Variants in PHACTR1 observed in about 807,000 individuals in gnomAD.
PHACTR1 encodes the protein phosphatase and actin regulator 1, also known as RPEL repeat containing 1.
A neutral mutation model predicts 69.2 loss-of-function variants in PHACTR1; 16 were observed. The ratio of observed to expected loss-of-function variants is 0.23; its 90% CI spans 0.16 to 0.35. The LOEUF (loss-of-function observed/expected upper bound fraction) is 0.35. Among genes scored for constraint, PHACTR1 ranks in the 10% least tolerant of loss-of-function variants. PHACTR1 has a pLI of 1.00. For synonymous variants in PHACTR1, 312 were observed against 284.5 expected, an observed-to-expected ratio of 1.10 and a Z score of -0.97; for missense variants, 510 against 734.7, an observed-to-expected ratio of 0.69 and a Z score of 3.54.
At chr6:13,125,378 G>A (rs183930820) in intron 5 of PHACTR1, among the ~76,000 whole-genome samples, 2 of 144,762 alleles carry the variant, frequency 1.4e-5, no homozygotes, top group South Asian at 2.1e-4. Flanking sequence ...TTTTTTTTTT[G>A]TATGTAGCTT....
At chr6:13,082,024 G>A (rs896307837) in intron 5 of PHACTR1, among the ~76,000 whole-genome samples, 4 of 152,140 alleles carry the variant, frequency 2.6e-5, no homozygotes, top group Non-Finnish European at 5.9e-5. Context: ...TTATGAGCAA[G>A]AACAGATGTT....
At chr6:13,163,864 A>G (rs1759401457) in intron 6 of PHACTR1, among the ~76,000 whole-genome samples, 1 of 152,192 alleles carries the variant, frequency 6.6e-6, no homozygotes, top group Admixed American at 6.5e-5. Flanking sequence ...TTTTTATAAC[A>G]GTGACTTTAT....
In PHACTR1 at chr6:13,179,405, C is replaced by CGTGTGTGTGTGTGT. The variant is rs4053019; in HGVS notation, c.497-3087_497-3074dup. On this transcript the variant is annotated intron_variant, in intron 6 of 14. Coordinates refer to ENST00000332995, the MANE Select transcript of PHACTR1 (RefSeq NM_030948.6). The surrounding 1 kb of genome is among the most constrained non-coding windows in gnomAD (Gnocchi z 4.2). ...TATACAGCCCATTACATTAATGTTT[C>CGTGTGTGTGTGTGT]GTGTGTGTGTGTGTGTGTGTGTGTG... Among the ~76,000 whole-genome samples the CGTGTGTGTGTGTGT allele has an allele frequency of 0.011, 1,497 of 142,028 alleles. 20 individuals are homozygous for CGTGTGTGTGTGTGT. Among genetic ancestry groups the CGTGTGTGTGTGTGT allele is most frequent in the Admixed American group, 0.024 (334 of 13,990 alleles). 93.2% of individuals were successfully genotyped at this position (142,028 alleles called of 152,430 possible).
intron 3 of PHACTR1, among the ~76,000 whole-genome samples, chr6:12,721,914 G>A (rs778720788): frequency 2.1e-4 from 32 of 152,246 alleles, no homozygotes; most frequent in Non-Finnish European, 3.5e-4. Context: ...AGCTTGTATC[G>A]AACCAACGGC....
At chr6:13,069,352 A>G (rs1404402958) in intron 5 of PHACTR1, among the ~76,000 whole-genome samples, 1 of 151,924 alleles carries the variant, frequency 6.6e-6, no homozygotes, top group African/African-American at 2.4e-5. Flanking sequence ...TTTATTTTCT[A>G]TTCCTTTAAC....
rs554415598 is a variant in PHACTR1 at position 12,805,897 on chromosome 6, G to A, written c.250+56107G>A. ...ACTACGGGCGTGAGCCACCATGCCCGGCCTATTTTCTTATCTTCAGATTTC... is the reference window on the plus strand; with the variant it reads ...ACTACGGGCGTGAGCCACCATGCCCAGCCTATTTTCTTATCTTCAGATTTC... On this transcript the variant is annotated intron_variant, in intron 4 of 14. Coordinates refer to ENST00000332995, the MANE Select transcript of PHACTR1 (RefSeq NM_030948.6). Among the ~76,000 whole-genome samples, 9 of 152,090 alleles carry A rather than the reference G, an allele frequency of 5.9e-5. No homozygotes were observed. In the South Asian group the frequency reaches 1.5e-3, roughly 25 times the overall value.
At chr6:13,058,851 T>C (rs1412410628) in intron 5 of PHACTR1, among the ~76,000 whole-genome samples, 1 of 152,016 alleles carries the variant, frequency 6.6e-6, no homozygotes, top group African/African-American at 2.4e-5. Context: ...GAGAGCTGAG[T>C]GTCGTGCGGG....
In PHACTR1 at chr6:13,246,651, TC is replaced by T. The variant is rs1442837107; in HGVS notation, c.1391+16459del. On this transcript the variant is annotated intron_variant, in intron 10 of 14. Transcript: ENST00000332995. This position sits in a 1 kb window ranked among gnomAD's most constrained non-coding sequence, Gnocchi z 4.2. Reference sequence around the variant, plus strand: ...AATTTCCATTGCATATAGTGCTCTTTCTCCCTCACCCACCAAATTTGGCTTC... The same window carrying T: ...AATTTCCATTGCATATAGTGCTCTTTTCCCTCACCCACCAAATTTGGCTTC... Among the ~76,000 whole-genome samples the T allele has an allele frequency of 6.6e-6, 1 of 152,214 alleles. No individual in the cohort carries two copies. The highest frequency in any genetic ancestry group is 1.5e-5 in the Non-Finnish European group (1 of 68,022).
At chr6:12,754,315 T>C (rs1006072821) in intron 4 of PHACTR1, among the ~76,000 whole-genome samples, 6 of 152,026 alleles carry the variant, frequency 3.9e-5, no homozygotes, top group Admixed American at 3.9e-4. Context: ...CTGAGATTGC[T>C]TCACCAACCT....
chr6:13,221,673 A>G (rs1768663773), intron 8 of PHACTR1, among the ~76,000 whole-genome samples: 1 of 152,210 alleles, frequency 6.6e-6, no homozygotes, highest in Admixed American at 6.5e-5. Flanking sequence ...GCTTAAGTGA[A>G]TCAACACGTG....
intron 7 of PHACTR1, among the ~76,000 whole-genome samples, chr6:13,203,473 A>G (rs1765501057): frequency 6.6e-6 from 1 of 152,232 alleles, no homozygotes; most frequent in Admixed American, 6.5e-5. Context: ...TCTGGCACAT[A>G]GTAAGCATGA....
intron 4 of PHACTR1, among the ~76,000 whole-genome samples, chr6:12,813,939 G>A (rs1185339124): frequency 1.3e-5 from 2 of 152,186 alleles, no homozygotes; most frequent in African/African-American, 2.4e-5. Flanking sequence ...TTGACAAGCT[G>A]CACAGGGGAT....
At chr6:13,192,191 G>A (rs1231838222) in intron 7 of PHACTR1, among the ~76,000 whole-genome samples, 2 of 152,202 alleles carry the variant, frequency 1.3e-5, no homozygotes, top group Non-Finnish European at 2.9e-5. Context: ...TTAATAGGAG[G>A]AGATGTAAAC....
Position 13,053,467 on chromosome 6 carries a change from G to A in PHACTR1, c.353G>A (p.Arg118Lys), listed in dbSNP as rs183412001. Reference protein sequence around the residue: ...RRRSKFANLGRIFKPWKWRKK... With the variant: ...RRRSKFANLGKIFKPWKWRKK... ...AGAAGTAAGTTTGCCAACCTGGGAA[G>A]GATTTTCAAGCCTTGGAAATGGAGG... Residue 118 changes from arginine (R) to lysine (K), a missense_variant, in exon 5 of 15, where the codon AGG (arginine) becomes AAG (lysine). Coordinates refer to ENST00000332995, the MANE Select transcript of PHACTR1 (RefSeq NM_030948.6). 6.2e-6 allele frequency: 10 copies of A among 1,613,868 alleles called. No individual in the cohort carries two copies. The East Asian group carries it at 2.2e-4, about 36-fold the overall frequency.
intron 12 of PHACTR1, chr6:13,280,410 A>G (rs1168912912): frequency 1.3e-5 from 2 of 155,316 alleles, no homozygotes; most frequent in African/African-American, 4.8e-5. Context: ...CAACTTCCAT[A>G]TCTGCTTTTG....
At chr6:12,739,948 G>A (rs779613143) in intron 3 of PHACTR1, among the ~76,000 whole-genome samples, 1 of 152,124 alleles carries the variant, frequency 6.6e-6, no homozygotes, top group Non-Finnish European at 1.5e-5. Flanking sequence ...GTACAACCAC[G>A]ACCCAAATCA....
intron 4 of PHACTR1, among the ~76,000 whole-genome samples, chr6:12,785,256 T>G (rs1771397851): frequency 2.6e-5 from 4 of 152,088 alleles, no homozygotes; most frequent in Admixed American, 2.6e-4. Flanking sequence ...CAACAATAAC[T>G]GTCATTGTAG....
chr6:12,724,842 C>A (rs554942473), intron 3 of PHACTR1, among the ~76,000 whole-genome samples: 1 of 152,126 alleles, frequency 6.6e-6, no homozygotes, highest in Non-Finnish European at 1.5e-5. Context: ...TCAATATACT[C>A]GGACATTCAA....
intron 4 of PHACTR1, among the ~76,000 whole-genome samples, chr6:12,979,854 C>G (rs1259704792): frequency 6.6e-6 from 1 of 152,038 alleles, no homozygotes; most frequent in African/African-American, 2.4e-5. Context: ...TTGTTTCATC[C>G]TTTCGTTGTT....
Sources: allele counts gnomAD v4.1 joint callset (sites outside exome capture counted in the v4.1 genomes callset), GRCh38; gene constraint gnomAD v4.1.1; non-coding constraint Gnocchi (gnomAD v3.1); transcripts MANE v1.5; gene names NCBI Gene and HGNC (gene_info 2026-07-23, HGNC 2026-07-21).